The following GSE1 variants were observed in gnomAD, a reference collection of about 807,000 sequenced individuals.
GSE1 encodes the protein Gse1 coiled-coil protein, also known as genetic suppressor element 1.
Under a neutral mutation model 112.6 loss-of-function variants are expected in GSE1, and 32 were observed. That is an observed-to-expected ratio of 0.28 (90% CI 0.21 to 0.38). The LOEUF is 0.38. Ranked by LOEUF, GSE1 falls within the 10% of genes least tolerant of loss-of-function variation. The pLI, the probability that GSE1 is intolerant of heterozygous loss-of-function variation, is 1.00. For missense variants in GSE1, 2,348 were observed against 1,699.2 expected, an observed-to-expected ratio of 1.38 and a Z score of -6.71; for synonymous variants, 1,115 against 735.6, an observed-to-expected ratio of 1.52 and a Z score of -8.35.
chr16:85,540,573 T>C (rs1467929360), intron 2 of GSE1, among the ~76,000 whole-genome samples: 1 of 152,248 alleles, frequency 6.6e-6, no homozygotes, highest in Non-Finnish European at 1.5e-5. Context: ...GAGGATTTCC[T>C]ATTTCCATTC....
chr16:85,510,708 A>C (rs571148456), intron 2 of GSE1, among the ~76,000 whole-genome samples: 1 of 152,244 alleles, frequency 6.6e-6, no homozygotes, highest in East Asian at 1.9e-4. Flanking sequence ...ATGAAGAGTG[A>C]AAGTCAGAGT....
At chr16:85,606,157 C>T (rs187381627) in intron 1 of GSE1, among the ~76,000 whole-genome samples, 237 of 152,322 alleles carry the variant, frequency 1.6e-3, no homozygotes, top group Non-Finnish European at 2.6e-3. Context: ...GGGTTCTCAG[C>T]GCCCTGGGAT....
chr16:85,568,337 C>T (rs1020335447), intron 1 of GSE1, among the ~76,000 whole-genome samples: 1 of 152,148 alleles, frequency 6.6e-6, no homozygotes, highest in Non-Finnish European at 1.5e-5. Context: ...TCATGGCGGC[C>T]CCCAATTTCA....
At chr16:85,635,287 C>T (rs991264350) in intron 2 of GSE1, among the ~76,000 whole-genome samples, 2 of 152,268 alleles carry the variant, frequency 1.3e-5, no homozygotes, top group East Asian at 1.9e-4. Flanking sequence ...GTCTGGTTTC[C>T]GTACCACCAG....
In GSE1 at chr16:85,431,731, AC is replaced by A. The variant is rs531083277; in HGVS notation, c.2464+74091del. On this transcript the variant is annotated intron_variant, in intron 2 of 2. Transcript: ENST00000637419. ...AGCTGGCCTGTCTGGCACTCTGAGC[AC>A]CCAGGGCCCAGAGGGTATCTGGGCC... Among the ~76,000 whole-genome samples, 64 of 152,212 alleles carry A rather than the reference AC, an allele frequency of 4.2e-4. 1 individual carries two copies. In the South Asian group the frequency reaches 0.013, roughly 31 times the overall value.
chr16:85,267,917 T>C (rs1043665794), intron 1 of GSE1, among the ~76,000 whole-genome samples: 1 of 152,218 alleles, frequency 6.6e-6, no homozygotes, highest in African/African-American at 2.4e-5. Context: ...AAGTGGCCTC[T>C]CTGAACCTCA....
chr16:85,506,716 G>A (rs1346152027), intron 2 of GSE1, among the ~76,000 whole-genome samples: 1 of 151,800 alleles, frequency 6.6e-6, no homozygotes, highest in African/African-American at 2.4e-5. Flanking sequence ...TGCTAACGTC[G>A]ATTAGCCCTG....
chr16:85,340,595 C>T (rs1320201309), intron 1 of GSE1, among the ~76,000 whole-genome samples: 2 of 152,112 alleles, frequency 1.3e-5, no homozygotes, highest in South Asian at 2.1e-4. Flanking sequence ...GAGCCAAGAT[C>T]GCGTCACTGT....
chr16:85,351,638 A>T (rs1248291377), intron 1 of GSE1, among the ~76,000 whole-genome samples: 3 of 152,210 alleles, frequency 2.0e-5, no homozygotes, highest in Non-Finnish European at 4.4e-5. Flanking sequence ...ATCAAACGAT[A>T]CACTTTTAAT....
intron 2 of GSE1, among the ~76,000 whole-genome samples, chr16:85,440,039 C>T (rs1597759971): frequency 2.0e-5 from 3 of 152,256 alleles, no homozygotes; most frequent in Admixed American, 2.0e-4. Context: ...CACAGACATA[C>T]ACTTGCACCT....
intron 1 of GSE1, among the ~76,000 whole-genome samples, chr16:85,262,617 C>G (rs535885392): frequency 1.1e-4 from 17 of 152,356 alleles, no homozygotes; most frequent in African/African-American, 4.1e-4. Context: ...GCCAGAACGC[C>G]TGATCCCTAG....
intron 2 of GSE1, among the ~76,000 whole-genome samples, chr16:85,442,187 A>G (rs867649327): frequency 5.9e-5 from 9 of 152,012 alleles, no homozygotes; most frequent in Non-Finnish European, 1.2e-4. Flanking sequence ...CTCAGGTATC[A>G]CCTCCTCAGA....
chr16:85,569,255 G>A (rs1233081220), intron 1 of GSE1, among the ~76,000 whole-genome samples: 3 of 152,314 alleles, frequency 2.0e-5, no homozygotes, highest in Admixed American at 6.5e-5. Flanking sequence ...AACGGTCAGT[G>A]CTCACTCCTG....
intron 1 of GSE1, chr16:85,278,869 G>A (rs1330475548): frequency 1.0e-5 from 2 of 198,950 alleles, no homozygotes; most frequent in East Asian, 1.2e-4. Flanking sequence ...AATCCTTCAC[G>A]GAATCCTAAT....
chr16:85,379,110 C>T (rs570245809), intron 2 of GSE1, among the ~76,000 whole-genome samples: 1 of 152,184 alleles, frequency 6.6e-6, no homozygotes, highest in Non-Finnish European at 1.5e-5. Flanking sequence ...TGCACTCTCC[C>T]CAGAGAGCTG....
At chr16:85,665,383 G>A (rs988169464) in intron 12 of GSE1, among the ~76,000 whole-genome samples, 7 of 152,244 alleles carry the variant, frequency 4.6e-5, no homozygotes, top group Admixed American at 1.3e-4. Context: ...CACTATGGTC[G>A]TAGTAACCGT....
At chr16:85,380,866 G>A (rs11646032) in intron 2 of GSE1, among the ~76,000 whole-genome samples, 2 of 152,156 alleles carry the variant, frequency 1.3e-5, no homozygotes, top group Non-Finnish European at 2.9e-5. Flanking sequence ...TCTTTGGGGA[G>A]CTGTGAATTT....
At chr16:85,391,624 G>A (rs1008260214) in intron 2 of GSE1, among the ~76,000 whole-genome samples, 3 of 152,172 alleles carry the variant, frequency 2.0e-5, no homozygotes, top group African/African-American at 4.8e-5. Flanking sequence ...TTATAAGGAC[G>A]CAGGTCGTAA....
Position 85,215,403 on chromosome 16 carries a change from G to C in GSE1, c.2283+43596G>C, listed in dbSNP as rs575058835. Among the ~76,000 whole-genome samples the C allele has an allele frequency of 2.0e-5, 3 of 152,298 alleles. No individual in the cohort carries two copies. The East Asian group carries it at 5.8e-4, about 29-fold the overall frequency. ...TATCATGGACTTCAGACACTCAGAA[G>C]GGGAAGGGTTGTGGGGGGGCCAGGG... On this transcript the variant is annotated intron_variant, in intron 1 of 2. Coordinates refer to the GSE1 transcript ENST00000637419.
Sources: allele counts gnomAD v4.1 joint callset (sites outside exome capture counted in the v4.1 genomes callset), GRCh38; gene constraint gnomAD v4.1.1; transcripts MANE v1.5; gene names NCBI Gene and HGNC (gene_info 2026-07-23, HGNC 2026-07-21).